LRP11: variants seen among roughly 807,000 people sequenced by gnomAD.
The protein encoded by LRP11 is LDL receptor related protein 11.
LRP11 carries 25 observed loss-of-function variants against 43.1 expected under a neutral mutation model. The ratio of observed to expected loss-of-function variants is 0.58; its 90% confidence interval spans 0.42 to 0.81. The LOEUF (loss-of-function observed/expected upper bound fraction) is 0.81, where lower values mean the gene tolerates loss of function less well. Ranked by LOEUF, LRP11 falls within the 30% of genes least tolerant of loss-of-function variation. The pLI is 0.00. For synonymous variants in LRP11, 316 were observed against 299.4 expected, an observed-to-expected ratio of 1.06 and a Z score of -0.57; for missense variants, 623 against 665.1, an observed-to-expected ratio of 0.94 and a Z score of 0.70.
intron 3 of LRP11, among the ~76,000 whole-genome samples, chr6:149,838,916 C>T (rs1393736259): frequency 1.3e-5 from 2 of 152,070 alleles, no homozygotes; most frequent in African/African-American, 2.4e-5. Flanking sequence ...AGGAGCTCCA[C>T]GGTTTTACAG....
chr6:149,853,134 C>A lies in LRP11; in HGVS notation c.640G>T (p.Ala214Ser). Residue 214 changes from alanine to serine, a missense_variant, in exon 2 of 7, where the codon GCT becomes TCT. Transcript: ENST00000239367. ...QEKDAPPLSK[A>S]GQDVVLHLPT... ...AGATGCAGAACCACATCCTGCCCAGCCTTGCTAAGTGGAGGCGCATCCTTT... is the reference window on the plus strand; with the variant it reads ...AGATGCAGAACCACATCCTGCCCAGACTTGCTAAGTGGAGGCGCATCCTTT... 2 of 1,598,806 alleles carry A rather than the reference C, an allele frequency of 1.3e-6. No individual in the cohort carries two copies. Among genetic ancestry groups the A allele is most frequent in the South Asian group, 1.1e-5 (1 of 88,192 alleles).
rs752563778 is a variant in LRP11, at chr6:149,837,463, C to T, written c.914G>A (p.Gly305Glu). 1 of 1,613,456 alleles carries T rather than the reference C, an allele frequency of 6.2e-7. No individual in the cohort carries two copies. Among genetic ancestry groups the T allele is most frequent in the Admixed American group, 1.7e-5 (1 of 59,902 alleles). Residue 305 changes from glycine (G) to glutamate (E), a missense_variant and splice_region_variant, in exon 4 of 7, where the codon GGA (glycine) becomes GAA (glutamate). By Grantham distance (98) the Gly-to-Glu change is moderately conservative. Transcript: ENST00000239367. ...GTAGCGTGAGCAAGTGTGCAAACATCCTATTTGTAAACAAATCTCAAGTCA... is the reference window on the plus strand; with the variant it reads ...GTAGCGTGAGCAAGTGTGCAAACATTCTATTTGTAAACAAATCTCAAGTCA... ...TVLRAAYSTGGCLHTCSRYHF... is the reference protein window; with the variant it reads ...TVLRAAYSTGECLHTCSRYHF...
chr6:149,852,331 C>T (rs912058212), intron 2 of LRP11: 2 of 152,224 alleles, frequency 1.3e-5, no homozygotes, highest in African/African-American at 4.8e-5. Context: ...AGTTTATCTG[C>T]CTAAGCCAGG....
intron 5 of LRP11, among the ~76,000 whole-genome samples, chr6:149,833,813 T>C (rs1240041085): frequency 2.0e-5 from 3 of 152,160 alleles, no homozygotes; most frequent in Non-Finnish European, 4.4e-5. Flanking sequence ...AGATTGGAAA[T>C]TGGGTGCTGA....
intron 6 of LRP11, among the ~76,000 whole-genome samples, chr6:149,822,566 T>C (rs761135633): frequency 2.0e-5 from 3 of 151,010 alleles, no homozygotes; most frequent in Non-Finnish European, 4.4e-5. Context: ...AGCTAGCAAA[T>C]AACCCCAGAC....
intron 1 of LRP11, among the ~76,000 whole-genome samples, chr6:149,857,465 A>G (rs1010939699): frequency 6.6e-6 from 1 of 151,322 alleles, no homozygotes; most frequent in Non-Finnish European, 1.5e-5. Flanking sequence ...AGACTGTGCC[A>G]CTTCACTCCT....
chr6:149,845,117 C>A (rs958235036), intron 2 of LRP11, among the ~76,000 whole-genome samples: 1 of 152,188 alleles, frequency 6.6e-6, no homozygotes, highest in African/African-American at 2.4e-5. Flanking sequence ...TGATGATGTA[C>A]AAGTCACTTA....
intron 3 of LRP11, among the ~76,000 whole-genome samples, chr6:149,840,624 G>A (rs1583084004): frequency 6.6e-6 from 1 of 152,146 alleles, no homozygotes; most frequent in African/African-American, 2.4e-5. Flanking sequence ...AGCTGTACAA[G>A]AGCAATCCTT....
intron 5 of LRP11, among the ~76,000 whole-genome samples, chr6:149,828,146 A>G (rs1583077028): frequency 6.6e-6 from 1 of 151,902 alleles, no homozygotes; most frequent in South Asian, 2.1e-4. Flanking sequence ...AGCCAAGATC[A>G]TGCCACCGCA....
At chr6:149,856,017 GTTCA>G (rs1220170176) in intron 1 of LRP11, among the ~76,000 whole-genome samples, 1 of 152,086 alleles carries the variant, frequency 6.6e-6, no homozygotes, top group African/African-American at 2.4e-5. Flanking sequence ...GTTCTGAAAG[GTTCA>G]TTGTTTCCAC....
intron 5 of LRP11, among the ~76,000 whole-genome samples, chr6:149,829,608 A>C (rs1776383551): frequency 6.6e-6 from 1 of 151,922 alleles, no homozygotes; most frequent in South Asian, 2.1e-4. Context: ...TAAAATTAAA[A>C]ATGAGCCAGG....
rs1262734798 is a variant in LRP11 at position 149,828,000 on chromosome 6, C to T, written c.1253-1641G>A. On this transcript the variant is annotated intron_variant, in intron 5 of 6. Transcript: ENST00000239367. This position sits in a 1 kb window ranked among gnomAD's most constrained non-coding sequence, Gnocchi z 4.2. ...TCGCGCCACTGCACTCCAGCCTGGGCGACTGAGCAAGACTCCGTCTCAAAA... is the reference window on the plus strand; with the variant it reads ...TCGCGCCACTGCACTCCAGCCTGGGTGACTGAGCAAGACTCCGTCTCAAAA... Among the ~76,000 whole-genome samples, 6 of 141,454 alleles carry T rather than the reference C, an allele frequency of 4.2e-5. No homozygotes were observed. Among genetic ancestry groups the T allele is most frequent in the African/African-American group, 1.3e-4 (5 of 37,080 alleles). The allele number at this position is 141,454 out of a possible 152,430, so 92.8% of individuals were successfully genotyped here.
intron 1 of LRP11, among the ~76,000 whole-genome samples, chr6:149,860,332 G>A (rs879575002): frequency 2.0e-5 from 3 of 151,934 alleles, no homozygotes; most frequent in Non-Finnish European, 2.9e-5. Flanking sequence ...AAAGGTTATC[G>A]TCCTTGAGTC....
chr6:149,843,030 G>A lies in LRP11; in HGVS notation c.866C>T (p.Ser289Phe). 1.2e-6 allele frequency: 2 copies of A among 1,614,240 alleles called. No individual in the cohort carries two copies. The highest frequency in any genetic ancestry group is 1.7e-6 in the Non-Finnish European group (2 of 1,180,050). The change falls in exon 3 of 7, where the codon TCT becomes TTT. Residue 289 changes from serine to phenylalanine, a missense_variant. Transcript: ENST00000239367. ...TVTDTAGQRS[S>F]DNVSVTVLRA... ...AAGCACTGTCACTGACACGTTGTCA[G>A]AGCTTCTCTGCCCGGCAGTGTCCGT... is the stretch of plus-strand genomic sequence containing the variant.
chr6:149,822,795 G>A (rs761336663), intron 6 of LRP11, among the ~76,000 whole-genome samples: 77 of 152,222 alleles, frequency 5.1e-4, no homozygotes, highest in African/African-American at 1.8e-3. Flanking sequence ...ATTTTTGCCT[G>A]AGTGATTTTG....
rs1179591550 is a variant in LRP11 at position 149,827,114 on chromosome 6, G to A, written c.1253-755C>T. ...CCCGAGTAGCTGGGATTACAGGTGCGTGCCACCATGCCTCGCTAATTTTTG... is the reference window on the plus strand; with the variant it reads ...CCCGAGTAGCTGGGATTACAGGTGCATGCCACCATGCCTCGCTAATTTTTG... On this transcript the variant is annotated intron_variant, in intron 5 of 6. Coordinates refer to ENST00000239367, the MANE Select transcript of LRP11 (RefSeq NM_032832.6). This position sits in a 1 kb window ranked among gnomAD's most constrained non-coding sequence, Gnocchi z 4.2. 2.0e-5 allele frequency among the ~76,000 whole-genome samples: 3 copies of A among 151,774 alleles called. No homozygotes were observed. Among genetic ancestry groups the A allele is most frequent in the Non-Finnish European group, 4.4e-5 (3 of 67,962 alleles).
intron 3 of LRP11, among the ~76,000 whole-genome samples, chr6:149,837,831 G>C (rs1257798221): frequency 3.3e-5 from 5 of 152,112 alleles, no homozygotes; most frequent in Admixed American, 2.0e-4. Context: ...TCTTCTTCTG[G>C]CTGTCGATTG....
intron 5 of LRP11, among the ~76,000 whole-genome samples, chr6:149,832,803 TTTTTATTTTTTTA>T (rs1776426153): frequency 6.9e-6 from 1 of 145,818 alleles, no homozygotes; most frequent in Admixed American, 6.9e-5. Flanking sequence ...TGTATTTTTA[TTTTTATTTTTTTA>T]TTTTATTTTT....
Position 149,854,796 on chromosome 6 carries a change from C to G in LRP11, c.614-1636G>C, listed in dbSNP as rs1018906842. On this transcript the variant is annotated intron_variant, in intron 1 of 6. Coordinates refer to ENST00000239367, the MANE Select transcript of LRP11 (RefSeq NM_032832.6). ...CTCCTGCTTTCGAGCCCATCACTTT[C>G]CTCCACAGGGGCCAATGTTGCTACC... is the stretch of plus-strand genomic sequence containing the variant. Among the ~76,000 whole-genome samples, 4 of 152,194 alleles carry G rather than the reference C, an allele frequency of 2.6e-5. No individual in the cohort carries two copies. In the East Asian group the frequency reaches 5.8e-4, roughly 22 times the overall value.
Sources: allele counts gnomAD v4.1 joint callset (sites outside exome capture counted in the v4.1 genomes callset), GRCh38; gene constraint gnomAD v4.1.1; non-coding constraint Gnocchi (gnomAD v3.1); transcripts MANE v1.5; gene names NCBI Gene and HGNC (gene_info 2026-07-23, HGNC 2026-07-21).